The following TP63 variants were observed in gnomAD, a reference collection of about 807,000 sequenced individuals.
TP63 encodes tumor protein p63.
In TP63, 17 loss-of-function variants were observed where a neutral mutation model predicts 82.8. The ratio of observed to expected loss-of-function variants is 0.21; its 90% CI spans 0.14 to 0.31. TP63 has a LOEUF of 0.31. TP63 is among the 10% of genes least tolerant of loss of function. The pLI is 1.00. For synonymous variants in TP63, 330 were observed against 321.7 expected (o/e 1.03, Z -0.28); for missense variants, 648 against 895.3 (o/e 0.72, Z 3.52).
intron 3 of TP63, among the ~76,000 whole-genome samples, chr3:189,745,586 A>G (rs1225031984): frequency 6.6e-6 from 1 of 151,802 alleles, no homozygotes; most frequent in African/African-American, 2.4e-5. Flanking sequence ...GCATGCCTGT[A>G]ATCCCAGCTA....
intron 1 of TP63, among the ~76,000 whole-genome samples, chr3:189,737,387 G>T (rs148466930): frequency 2.0e-5 from 3 of 152,098 alleles, no homozygotes; most frequent in Non-Finnish European, 4.4e-5. Context: ...GATAGGTCAG[G>T]CTTGCTATCA....
intron 1 of TP63, among the ~76,000 whole-genome samples, chr3:189,667,316 A>G (rs1430212247): frequency 6.6e-6 from 1 of 151,824 alleles, no homozygotes; most frequent in Non-Finnish European, 1.5e-5. Flanking sequence ...CTGGGATTAT[A>G]GGCACCCGCC....
At chr3:189,609,303 A>G in the TP63 span, among the ~76,000 whole-genome samples, 1 of 152,168 alleles carries the variant, frequency 6.6e-6, no homozygotes, top group Non-Finnish European at 1.5e-5. Context: ...GTAATATTCA[A>G]TGTGTTGATA....
intron 3 of TP63, among the ~76,000 whole-genome samples, chr3:189,793,226 A>G (rs1472030711): frequency 6.6e-6 from 1 of 151,998 alleles, no homozygotes; most frequent in Non-Finnish European, 1.5e-5. Context: ...CTACTGGAAA[A>G]AAAAAGATTT....
At chr3:189,638,537 A>G (rs955470210) in intron 1 of TP63, among the ~76,000 whole-genome samples, 23 of 152,136 alleles carry the variant, frequency 1.5e-4, no homozygotes, top group African/African-American at 5.1e-4. Flanking sequence ...ACAGAGATAT[A>G]TCTGACTCTT....
At chr3:189,801,073 A>G (rs1487858284) in intron 3 of TP63, among the ~76,000 whole-genome samples, 2 of 152,162 alleles carry the variant, frequency 1.3e-5, no homozygotes, top group East Asian at 3.9e-4. Flanking sequence ...AACTAGACAA[A>G]TATACTACCA....
At chr3:189,728,817 C>G (rs1047856893) in intron 1 of TP63, among the ~76,000 whole-genome samples, 1 of 152,150 alleles carries the variant, frequency 6.6e-6, no homozygotes, top group Non-Finnish European at 1.5e-5. Context: ...GAGAACAGCA[C>G]AGGTGGCGGA....
chr3:189,694,655 C>T (rs535179027), intron 1 of TP63, among the ~76,000 whole-genome samples: 1 of 152,118 alleles, frequency 6.6e-6, no homozygotes, highest in East Asian at 1.9e-4. Flanking sequence ...ATACTATCAA[C>T]ATGAATTTTC....
intron 4 of TP63, among the ~76,000 whole-genome samples, chr3:189,851,214 T>C (rs774175546): frequency 2.0e-5 from 3 of 152,212 alleles, no homozygotes; most frequent in Non-Finnish European, 2.9e-5. Flanking sequence ...TTAGATGTTA[T>C]TGTATTTCAA....
At chr3:189,749,627 G>A (rs1195408716) in intron 3 of TP63, among the ~76,000 whole-genome samples, 1 of 152,094 alleles carries the variant, frequency 6.6e-6, no homozygotes, top group Non-Finnish European at 1.5e-5. Context: ...AAATAGTATG[G>A]AGATTCCTCA....
intron 1 of TP63, among the ~76,000 whole-genome samples, chr3:189,688,265 G>A (rs1716602785): frequency 6.6e-6 from 1 of 152,162 alleles, no homozygotes; most frequent in Non-Finnish European, 1.5e-5. Context: ...AGATGTCCAG[G>A]TGAAATACAA....
At chr3:189,813,594 T>TG (rs34128155) in intron 4 of TP63, among the ~76,000 whole-genome samples, 83,224 of 150,388 alleles carry the variant, frequency 0.55, 23,775 homozygotes, top group Admixed American at 0.66. Context: ...ATCCTCAGGT[T>TG]GTTTTTTTTT....
At chr3:189,684,510 G>A (rs527541258) in intron 1 of TP63, among the ~76,000 whole-genome samples, 1 of 152,282 alleles carries the variant, frequency 6.6e-6, no homozygotes, top group East Asian at 1.9e-4. Context: ...GAGTAGTTTA[G>A]TGTACCTGAA....
At chr3:189,799,891 C>G (rs1250374634) in intron 3 of TP63, among the ~76,000 whole-genome samples, 1 of 152,088 alleles carries the variant, frequency 6.6e-6, no homozygotes, top group Non-Finnish European at 1.5e-5. Context: ...TGCATTTATT[C>G]TTTTAAGAAC....
intron 3 of TP63, among the ~76,000 whole-genome samples, chr3:189,752,097 G>C (rs138077881): frequency 7.3e-4 from 111 of 152,150 alleles, no homozygotes; most frequent in African/African-American, 2.7e-3. Flanking sequence ...GTAAATTGTG[G>C]TTTTTGAGGA....
intron 3 of TP63, among the ~76,000 whole-genome samples, chr3:189,788,592 T>C (rs1464118): frequency 0.2 from 30,744 of 151,056 alleles, 3,346 homozygotes; most frequent in East Asian, 0.46. Context: ...GGGGTGGGGG[T>C]GTAGGATGAT....
intron 3 of TP63, among the ~76,000 whole-genome samples, chr3:189,761,625 T>C: frequency 6.6e-6 from 1 of 152,310 alleles, no homozygotes; most frequent in East Asian, 1.9e-4. Flanking sequence ...CCCTCCAAAC[T>C]GTTCAACCTC....
At chr3:189,838,307 G>A (rs1191115898) in intron 4 of TP63, among the ~76,000 whole-genome samples, 1 of 151,976 alleles carries the variant, frequency 6.6e-6, no homozygotes, top group Non-Finnish European at 1.5e-5. Context: ...TCTCATAATA[G>A]GTTTGTTTTT....
chr3:189,743,252 G>A (rs1242904960), intron 3 of TP63, among the ~76,000 whole-genome samples: 1 of 152,080 alleles, frequency 6.6e-6, no homozygotes, highest in Non-Finnish European at 1.5e-5. Flanking sequence ...TTAGGGAATT[G>A]AAATAATGAG....
Sources: gnomAD v4.1 joint callset for allele counts (sites outside exome capture counted in the v4.1 genomes callset) on GRCh38, gnomAD v4.1.1 for gene constraint, MANE v1.5 for transcripts, NCBI Gene and HGNC (gene_info 2026-07-23, HGNC 2026-07-21) for gene names.